CD247: variants seen among roughly 807,000 people sequenced by gnomAD.
CD247 encodes the protein CD247 molecule.
Under a neutral mutation model 30.0 loss-of-function variants are expected in CD247, and 13 were observed. That is an observed-to-expected ratio of 0.43 (90% CI 0.28 to 0.69). The LOEUF is 0.69. Among genes scored for constraint, CD247 ranks in the 30% least tolerant of loss-of-function variants. The pLI, the probability that CD247 is intolerant of heterozygous loss-of-function variation, is 0.16. For synonymous variants in CD247, 72 were observed against 80.0 expected, an observed-to-expected ratio of 0.90 and a Z score of 0.53; for missense variants, 193 against 212.6, an observed-to-expected ratio of 0.91 and a Z score of 0.57.
chr1:167,477,242 C>T (rs921818020), intron 1 of CD247, among the ~76,000 whole-genome samples: 9 of 152,176 alleles, frequency 5.9e-5, no homozygotes, highest in Non-Finnish European at 2.9e-5. Flanking sequence ...AAAATAGGAG[C>T]GGCTGGGCCA....
intron 5 of CD247, chr1:167,434,819 G>A (rs748740462): frequency 3.1e-5 from 14 of 457,372 alleles, no homozygotes; most frequent in Middle Eastern, 4.3e-4. Flanking sequence ...GCTGCAGGCC[G>A]CAAGCAGGTG....
intron 1 of CD247, among the ~76,000 whole-genome samples, chr1:167,479,615 T>C (rs1653888289): frequency 6.6e-6 from 1 of 152,216 alleles, no homozygotes; most frequent in Non-Finnish European, 1.5e-5. Flanking sequence ...CCCCATCATG[T>C]GGCTTTTAGG....
intron 1 of CD247, among the ~76,000 whole-genome samples, chr1:167,485,752 C>T (rs1344870141): frequency 6.6e-6 from 1 of 152,142 alleles, no homozygotes; most frequent in African/African-American, 2.4e-5. Flanking sequence ...TCACCAGCCC[C>T]AAATCCAACC....
At position 167,494,365 on chromosome 1, in the gene CD247, G is replaced by A. The variant is rs575626345; in HGVS notation, c.58+24043C>T. Among the ~76,000 whole-genome samples, 22 of 152,284 alleles carry A rather than the reference G, an allele frequency of 1.4e-4. No individual in the cohort carries two copies. In the South Asian group the frequency reaches 2.3e-3, roughly 16 times the overall value. On this transcript the variant is annotated intron_variant, in intron 1 of 7. Transcript: ENST00000362089. The surrounding 1 kb of genome is among the most constrained non-coding windows in gnomAD (Gnocchi z 7.3). ...TGAGGACTGGCCAGGTAATTGGAAC[G>A]TTCTAGAGACTGTTGGGTTGACTTG...
intron 1 of CD247, among the ~76,000 whole-genome samples, chr1:167,493,282 A>G (rs990219826): frequency 2.6e-5 from 4 of 152,004 alleles, no homozygotes; most frequent in African/African-American, 9.7e-5. Flanking sequence ...ACTTCAGGCA[A>G]TCCGCCAGCC....
At position 167,434,050 on chromosome 1, in the gene CD247, C is replaced by T; in HGVS notation, c.363G>A (p.Glu121=). The T allele has an allele frequency of 6.2e-7, 1 of 1,614,176 alleles. No individual in the cohort carries two copies. The highest frequency in any genetic ancestry group is 1.1e-5 in the South Asian group (1 of 91,084). The change falls in exon 6 of 8, where the codon GAG becomes GAA. Residue 121 remains glutamate, a synonymous_variant. Coordinates refer to ENST00000362089, the MANE Select transcript of CD247 (RefSeq NM_198053.3). ...CTTTCATCCCAATCTCACTGTAGGC[C>T]TCCGCCATCTTATCTTTCTGCAGTT... ...YNELQKDKMA[E]AYSEIGMKGE...
intron 1 of CD247, among the ~76,000 whole-genome samples, chr1:167,461,587 C>T (rs138097143): frequency 0.011 from 1,729 of 152,282 alleles, 32 homozygotes; most frequent in African/African-American, 0.04. Context: ...TGGTGGCTCA[C>T]GCCTGTAATC....
At chr1:167,517,533 G>A (rs1002470498) in intron 1 of CD247, among the ~76,000 whole-genome samples, 3 of 152,230 alleles carry the variant, frequency 2.0e-5, no homozygotes, top group Non-Finnish European at 4.4e-5. Context: ...GAAGCTAAAG[G>A]CTTGCAGCAA....
intron 1 of CD247, among the ~76,000 whole-genome samples, chr1:167,486,147 A>G (rs34055873): frequency 1.7e-3 from 254 of 152,348 alleles, no homozygotes; most frequent in Middle Eastern, 0.01. Flanking sequence ...AATTAGCAAC[A>G]TGGAAAAGTG....
chr1:167,459,291 A>C (rs1052570492), intron 1 of CD247, among the ~76,000 whole-genome samples: 6 of 150,686 alleles, frequency 4.0e-5, no homozygotes, highest in Non-Finnish European at 8.9e-5. Flanking sequence ...TCCAATTGTT[A>C]ATTTTTTTTA....
intron 1 of CD247, among the ~76,000 whole-genome samples, chr1:167,481,838 C>T (rs1057418267): frequency 1.3e-5 from 2 of 152,162 alleles, no homozygotes; most frequent in Non-Finnish European, 2.9e-5. Context: ...TCCTGTCTGC[C>T]CCATTTCAAA....
At chr1:167,479,684 C>G (rs1466130455) in intron 1 of CD247, among the ~76,000 whole-genome samples, 2 of 152,146 alleles carry the variant, frequency 1.3e-5, no homozygotes, top group African/African-American at 4.8e-5. Context: ...TCTCTTCCAT[C>G]CAGCCAGGTC....
chr1:167,457,781 T>A (rs1652772728), intron 1 of CD247: 1 of 152,202 alleles, frequency 6.6e-6, no homozygotes, highest in Non-Finnish European at 1.5e-5. Flanking sequence ...GTCAAATGGG[T>A]TCTTTCCTAT....
At chr1:167,466,531 G>A (rs1342818276) in intron 1 of CD247, among the ~76,000 whole-genome samples, 1 of 151,910 alleles carries the variant, frequency 6.6e-6, no homozygotes, top group African/African-American at 2.4e-5. Context: ...TTTCCCCTCA[G>A]TTTTAAGAGT....
chr1:167,486,792 G>A (rs1654226940), intron 1 of CD247, among the ~76,000 whole-genome samples: 1 of 152,230 alleles, frequency 6.6e-6, no homozygotes, highest in South Asian at 2.1e-4. Context: ...GCAGCTCTGG[G>A]TGGGCATGGT....
chr1:167,437,850 A>G (rs1352745707), intron 4 of CD247, among the ~76,000 whole-genome samples: 1 of 152,200 alleles, frequency 6.6e-6, no homozygotes, highest in African/African-American at 2.4e-5. Context: ...TAATATCTCT[A>G]AGAGTAAGTT....
intron 1 of CD247, among the ~76,000 whole-genome samples, chr1:167,495,041 C>T (rs557875232): frequency 2.6e-5 from 4 of 152,328 alleles, no homozygotes; most frequent in South Asian, 4.1e-4. Context: ...GGGCTGGTGG[C>T]CCAGGTGGCT....
At chr1:167,501,077 C>T (rs1250625897) in intron 1 of CD247, among the ~76,000 whole-genome samples, 1 of 146,168 alleles carries the variant, frequency 6.8e-6, no homozygotes, top group South Asian at 2.1e-4. Flanking sequence ...TTTTTTTGAC[C>T]GAGTTTTGCA....
intron 1 of CD247, among the ~76,000 whole-genome samples, chr1:167,449,156 T>TTTTTTCTTTTTTTC (rs71572460): frequency 0.59 from 66,782 of 112,356 alleles, 19,624 homozygotes; most frequent in East Asian, 0.85. Flanking sequence ...TTTCTTTTTT[T>TTTTTTCTTTTTTTC]TTTTTTTTTT....
Sources: allele counts gnomAD v4.1 joint callset (sites outside exome capture counted in the v4.1 genomes callset), GRCh38; gene constraint gnomAD v4.1.1; non-coding constraint Gnocchi (gnomAD v3.1); transcripts MANE v1.5; gene names NCBI Gene and HGNC (gene_info 2026-07-23, HGNC 2026-07-21).